Variants in KIAA2012 observed in about 807,000 individuals in gnomAD.
KIAA2012 encodes the protein KIAA2012, also known as uncharacterized protein KIAA2012.
Under a neutral mutation model 150.6 loss-of-function variants are expected in KIAA2012, and 125 were observed. That is an observed-to-expected ratio of 0.83 (90% CI 0.72 to 0.96). KIAA2012 has a LOEUF of 0.96. KIAA2012 is among the 40% of genes least tolerant of loss of function. KIAA2012 has a pLI of 0.00. For missense variants in KIAA2012, 1,219 were observed against 1,354.9 expected (o/e 0.90, Z 1.57); for synonymous variants, 462 against 504.7 (o/e 0.92, Z 1.13).
intron 12 of KIAA2012, chr2:202,126,050 G>A: frequency 3.3e-6 from 1 of 299,624 alleles, no homozygotes; most frequent in South Asian, 2.7e-5. Flanking sequence ...TGACTCCCGG[G>A]TTCAAGCAAT....
intron 12 of KIAA2012, among the ~76,000 whole-genome samples, chr2:202,131,132 G>C (rs1239291794): frequency 6.6e-6 from 1 of 151,986 alleles, no homozygotes; most frequent in Non-Finnish European, 1.5e-5. Context: ...GAATCTGTGA[G>C]TATGTTTTTT....
chr2:202,099,808 A>C lies in KIAA2012; in HGVS notation c.1012+12A>C, dbSNP rs546343392. On this transcript the variant is annotated intron_variant, in intron 6 of 23. Transcript: ENST00000498697. ...GGCAGATCTCAGCGGTAAGAACTCA[A>C]ATGTCTTGCTCATTGATCTGGGTAA... 1 of 1,542,176 alleles carries C rather than the reference A, an allele frequency of 6.5e-7. No individual in the cohort carries two copies. Among genetic ancestry groups the C allele is most frequent in the South Asian group, 1.2e-5 (1 of 82,800 alleles).
At chr2:202,201,354 C>T (rs2105757505) in intron 22 of KIAA2012, 1 of 1,585,326 alleles carries the variant, frequency 6.3e-7, no homozygotes, top group Admixed American at 1.7e-5. Flanking sequence ...TGATGTCTTT[C>T]CCGGCACAAA....
chr2:202,109,840 C>A, intron 10 of KIAA2012, 51 bp downstream of exon 10: 1 of 1,455,978 alleles, frequency 6.9e-7, no homozygotes, highest in South Asian at 1.4e-5. Flanking sequence ...GAATGTGGCT[C>A]ATTGCCAGGG....
chr2:202,108,377 T>C (rs1690253779), intron 9 of KIAA2012, among the ~76,000 whole-genome samples: 1 of 152,220 alleles, frequency 6.6e-6, no homozygotes, highest in African/African-American at 2.4e-5. Flanking sequence ...GTAATAGTAC[T>C]TTCTAATTTC....
rs1429874282 is a variant in KIAA2012, at chr2:202,190,280, CG to C, written c.2601del (p.Pro868LeufsTer23). Reference sequence around the variant, plus strand: ...ATCTGGAGATAGCGGCAGAGCTGAGCGGGCCTGATGTCAGCTATGAGGAAAC... The same window carrying C: ...ATCTGGAGATAGCGGCAGAGCTGAGCGGCCTGATGTCAGCTATGAGGAAAC... ...RNLEIAAELS[G>X]PDVSYEETED... On this transcript the variant is annotated frameshift_variant, in exon 19 of 24. Transcript: ENST00000498697. LOFTEE classifies it high-confidence loss of function. The C allele has an allele frequency of 8.4e-6, 13 of 1,550,370 alleles. No individual in the cohort carries two copies. In the African/African-American group the frequency reaches 1.8e-4, roughly 21 times the overall value.
At chr2:202,196,181 C>CTTTT (rs869180930) in intron 21 of KIAA2012, among the ~76,000 whole-genome samples, 1 of 93,684 alleles carries the variant, frequency 1.1e-5, no homozygotes, top group Admixed American at 1.1e-4. Flanking sequence ...CTTTTCTTTT[C>CTTTT]TTTTCTTTTT....
At chr2:202,200,813 T>G (rs1400190042) in intron 22 of KIAA2012, among the ~76,000 whole-genome samples, 2 of 149,014 alleles carry the variant, frequency 1.3e-5, no homozygotes, top group Non-Finnish European at 3.0e-5. Flanking sequence ...TTCAAGCAAT[T>G]CTCCTGCCTC....
intron 13 of KIAA2012, among the ~76,000 whole-genome samples, chr2:202,144,713 C>T (rs55896607): frequency 1.4e-3 from 209 of 152,194 alleles, no homozygotes; most frequent in Non-Finnish European, 2.5e-3. Flanking sequence ...ATCAACAGGC[C>T]GGGCACAGTG....
intron 12 of KIAA2012, among the ~76,000 whole-genome samples, chr2:202,127,520 A>G (rs1424760418): frequency 6.6e-6 from 1 of 152,230 alleles, no homozygotes; most frequent in Non-Finnish European, 1.5e-5. Context: ...GGGGGCTCAG[A>G]TGAACAGCAG....
intron 19 of KIAA2012, 32 bp downstream of exon 19, chr2:202,190,525 A>C: frequency 1.4e-6 from 2 of 1,443,462 alleles, no homozygotes; most frequent in Non-Finnish European, 1.8e-6. Flanking sequence ...TTGACAGAGG[A>C]AGTTCTGTTC....
intron 2 of KIAA2012, among the ~76,000 whole-genome samples, chr2:202,085,275 A>G (rs1387945993): frequency 6.6e-6 from 1 of 152,202 alleles, no homozygotes; most frequent in Non-Finnish European, 1.5e-5. Context: ...GGGACCTGAG[A>G]GGTTACAGGG....
intron 15 of KIAA2012, among the ~76,000 whole-genome samples, chr2:202,170,863 C>A (rs934259951): frequency 6.6e-6 from 1 of 152,276 alleles, no homozygotes; most frequent in East Asian, 1.9e-4. Flanking sequence ...CTGTAAAGTG[C>A]CTCATTTAAC....
intron 2 of KIAA2012, among the ~76,000 whole-genome samples, chr2:202,088,837 T>C (rs988719264): frequency 6.6e-6 from 1 of 152,196 alleles, no homozygotes. Context: ...ACTCTCGGGT[T>C]GATTCCAGAA....
At chr2:202,084,360 C>T (rs1031941846) in intron 2 of KIAA2012, among the ~76,000 whole-genome samples, 2 of 152,140 alleles carry the variant, frequency 1.3e-5, no homozygotes, top group Non-Finnish European at 2.9e-5. Flanking sequence ...ACAAGACAGC[C>T]AGTGCGGGGG....
intron 11 of KIAA2012, among the ~76,000 whole-genome samples, chr2:202,118,621 C>T (rs1381015120): frequency 6.6e-6 from 1 of 152,188 alleles, no homozygotes; most frequent in East Asian, 1.9e-4. Flanking sequence ...TGAACCCTGA[C>T]TAAAAAGCTC....
intron 1 of KIAA2012, 98 bp from the exon 2 acceptor site, chr2:202,074,793 C>A: frequency 8.1e-7 from 1 of 1,232,662 alleles, no homozygotes; most frequent in Non-Finnish European, 1.1e-6. Flanking sequence ...CAGAGAAAAT[C>A]AGTAACTAAA....
intron 19 of KIAA2012, among the ~76,000 whole-genome samples, chr2:202,190,947 TAGAG>T (rs953089164): frequency 3.3e-5 from 5 of 152,170 alleles, no homozygotes; most frequent in African/African-American, 1.2e-4. Flanking sequence ...GCAGCTGGAA[TAGAG>T]AGAGGCAGCC....
intron 11 of KIAA2012, among the ~76,000 whole-genome samples, chr2:202,119,414 G>A (rs545719150): frequency 6.6e-6 from 1 of 152,212 alleles, no homozygotes; most frequent in East Asian, 1.9e-4. Context: ...TACAGAACCT[G>A]TGAAGTTATG....
Sources: gnomAD v4.1 joint callset for allele counts (sites outside exome capture counted in the v4.1 genomes callset) on GRCh38, gnomAD v4.1.1 for gene constraint, MANE v1.5 for transcripts, NCBI Gene and HGNC (gene_info 2026-07-23, HGNC 2026-07-21) for gene names.